ZNF81: variants seen among roughly 807,000 people sequenced by gnomAD.
The protein encoded by ZNF81 is zinc finger protein 81.
Under a neutral mutation model 32.3 loss-of-function variants are expected in ZNF81, and 5 were observed. The observed-to-expected ratio is 0.15, with a 90% CI of 0.08 to 0.33. The LOEUF is 0.33. ZNF81 is among the 10% of genes least tolerant of loss of function. The pLI is 1.00. For synonymous variants in ZNF81, 163 were observed against 166.8 expected, an observed-to-expected ratio of 0.98 and a Z score of 0.17; for missense variants, 379 against 479.8, an observed-to-expected ratio of 0.79 and a Z score of 1.96.
intron 1 of ZNF81, among the ~76,000 whole-genome samples, chrX:47,838,374 A>G (rs1556879342): frequency 1.8e-5 from 2 of 111,946 alleles, no homozygotes; most frequent in African/African-American, 3.2e-5. Flanking sequence ...ACATCTTTGC[A>G]TTGTTTTCAG....
chrX:47,852,336 G>A (rs1274004110), intron 2 of ZNF81, among the ~76,000 whole-genome samples: 1 of 111,797 alleles, frequency 8.9e-6, no homozygotes, highest in Non-Finnish European at 1.9e-5. Flanking sequence ...CAACAATGAA[G>A]TTTGCCACAT....
At position 47,862,312 on chromosome X, in the gene ZNF81, A is replaced by G. The variant is rs112921968; in HGVS notation, c.54+15991A>G. The stretch of plus-strand genomic sequence containing the variant: ...GGAGGTCCGAGGCAGGCGGATCAGG[A>G]GTTCGAGACCAGCCTGGCCAACATA... On this transcript the variant is annotated intron_variant, in intron 2 of 4. Transcript: ENST00000338637. Among the ~76,000 whole-genome samples, 235 of 110,007 alleles carry G rather than the reference A, an allele frequency of 2.1e-3. 1 individual carries two copies. Among genetic ancestry groups the G allele is most frequent in the African/African-American group, 7.5e-3 (227 of 30,229 alleles).
chrX:47,856,543 G>A (rs1488897290), intron 2 of ZNF81, among the ~76,000 whole-genome samples: 1 of 111,897 alleles, frequency 8.9e-6, no homozygotes, highest in African/African-American at 3.2e-5. Context: ...AATTACATAT[G>A]GCTTAAAATC....
In ZNF81 at chrX:47,920,916, A is replaced by G. The variant is rs1222466183; in HGVS notation, c.*4284A>G. ...GCCTCATCTTCCTTCCTGCTGTACC[A>G]CAGATGGCCCAGGAGAGGCACTTGT... On this transcript the variant is annotated 3_prime_UTR_variant, in exon 5 of 5. Coordinates refer to ENST00000338637, the MANE Select transcript of ZNF81 (RefSeq NM_007137.5). 1 of 111,460 alleles carries G rather than the reference A, an allele frequency of 9.0e-6. No homozygotes were observed. The highest frequency in any genetic ancestry group is 1.9e-5 in the Non-Finnish European group (1 of 53,113). The allele number at this position is 111,460 out of a possible 1,213,427, so 9.2% of individuals were successfully genotyped here.
intron 1 of ZNF81, among the ~76,000 whole-genome samples, chrX:47,840,345 A>G (rs2058442526): frequency 1.4e-5 from 1 of 69,530 alleles, no homozygotes; most frequent in Non-Finnish European, 2.8e-5. Flanking sequence ...AGATGCAGCA[A>G]AGCAGGACTC....
At chrX:47,853,181 CTT>C (rs781961305) in intron 2 of ZNF81, among the ~76,000 whole-genome samples, 4 of 101,567 alleles carry the variant, frequency 3.9e-5, no homozygotes, top group Non-Finnish European at 4.1e-5. Flanking sequence ...TTCCATAATT[CTT>C]TTTTTTTTTT....
intron 2 of ZNF81, among the ~76,000 whole-genome samples, chrX:47,884,236 C>T (rs984883064): frequency 5.0e-5 from 3 of 59,998 alleles, no homozygotes; most frequent in East Asian, 5.5e-4. Context: ...CAGAGCGAGA[C>T]GTCATCTAAA....
intron 2 of ZNF81, among the ~76,000 whole-genome samples, chrX:47,879,277 C>G (rs1556884872): frequency 9.0e-6 from 1 of 111,529 alleles, no homozygotes; most frequent in Admixed American, 9.5e-5. Flanking sequence ...GTCGACAAGG[C>G]CCTCATCTTT....
intron 2 of ZNF81, among the ~76,000 whole-genome samples, chrX:47,864,147 C>T (rs1044960934): frequency 3.6e-5 from 4 of 111,493 alleles, no homozygotes; most frequent in African/African-American, 9.8e-5. Flanking sequence ...CTAAGGTTTG[C>T]GGACCAGGAG....
At chrX:47,894,111 A>C (rs1278547395) in intron 3 of ZNF81, among the ~76,000 whole-genome samples, 5 of 111,935 alleles carry the variant, frequency 4.5e-5, no homozygotes, top group African/African-American at 6.5e-5. Context: ...CTCAATTCCA[A>C]ATACAACGTG....
At chrX:47,869,415 G>A (rs1287362140) in intron 2 of ZNF81, among the ~76,000 whole-genome samples, 2 of 111,547 alleles carry the variant, frequency 1.8e-5, no homozygotes, top group Non-Finnish European at 3.8e-5. Flanking sequence ...GACCATTACT[G>A]GGAGTACAAA....
chrX:47,908,506 T>G (rs2148041271), intron 4 of ZNF81, among the ~76,000 whole-genome samples: 2 of 111,942 alleles, frequency 1.8e-5, no homozygotes, highest in East Asian at 5.6e-4. Flanking sequence ...GTACACCAAT[T>G]CTGTGGCCCA....
At position 47,846,404 on chromosome X, in the gene ZNF81, T is replaced by C. The variant is rs1603165014; in HGVS notation, c.54+83T>C. On this transcript the variant is annotated intron_variant, in intron 2 of 4. Transcript: ENST00000338637. ...GATACTACCTCATAGTTTTCATTTC[T>C]AGTACTTTTTTTAGCAGGCAGGAAA... The C allele has an allele frequency of 5.3e-5, 58 of 1,086,921 alleles. No homozygotes were observed. The East Asian group carries it at 1.8e-3, about 34-fold the overall frequency. 89.6% of individuals were successfully genotyped at this position (1,086,921 alleles called of 1,213,427 possible).
At chrX:47,898,430 A>C (rs1235631238) in intron 4 of ZNF81, among the ~76,000 whole-genome samples, 1 of 112,023 alleles carries the variant, frequency 8.9e-6, no homozygotes, top group Non-Finnish European at 1.9e-5. Flanking sequence ...AAGAAAATAT[A>C]GTTAATACGT....
chrX:47,852,666 G>A (rs1218213404), intron 2 of ZNF81, among the ~76,000 whole-genome samples: 3 of 112,317 alleles, frequency 2.7e-5, no homozygotes, highest in South Asian at 7.2e-4. Flanking sequence ...TAGTTCTCTC[G>A]CTATTTCCAC....
At chrX:47,839,083 C>T (rs1448165292) in intron 1 of ZNF81, among the ~76,000 whole-genome samples, 4 of 112,398 alleles carry the variant, frequency 3.6e-5, no homozygotes, top group Non-Finnish European at 3.8e-5. Context: ...CTGCTCTTGG[C>T]TTTGTCTGGT....
chrX:47,883,209 T>G (rs1569384354), intron 2 of ZNF81, among the ~76,000 whole-genome samples: 1 of 111,836 alleles, frequency 8.9e-6, no homozygotes, highest in African/African-American at 3.3e-5. Flanking sequence ...ATATCTTTTT[T>G]GTGTCTGCTC....
At chrX:47,862,045 C>T (rs2148014004) in intron 2 of ZNF81, among the ~76,000 whole-genome samples, 1 of 111,320 alleles carries the variant, frequency 9.0e-6, no homozygotes, top group African/African-American at 3.3e-5. Context: ...GCCAGTTTAT[C>T]CCTCTAGGAA....
chrX:47,895,380 A>C (rs2058676199), intron 3 of ZNF81, among the ~76,000 whole-genome samples: 1 of 111,491 alleles, frequency 9.0e-6, no homozygotes, highest in Non-Finnish European at 1.9e-5. Flanking sequence ...AGACAATAAG[A>C]AGATACGCAG....
Sources: allele counts gnomAD v4.1 joint callset (sites outside exome capture counted in the v4.1 genomes callset), GRCh38; gene constraint gnomAD v4.1.1; transcripts MANE v1.5; gene names NCBI Gene and HGNC (gene_info 2026-07-23, HGNC 2026-07-21).